RNGTT: variants seen among roughly 807,000 people sequenced by gnomAD.
RNGTT encodes RNA guanylyltransferase and 5'-phosphatase.
Under a neutral mutation model 79.3 loss-of-function variants are expected in RNGTT, and 33 were observed. The ratio of observed to expected loss-of-function variants is 0.42; its 90% CI spans 0.32 to 0.56. RNGTT has a LOEUF of 0.56. RNGTT is among the 20% of genes least tolerant of loss of function. The pLI is 0.17. For synonymous variants in RNGTT, 222 were observed against 235.9 expected (o/e 0.94, Z 0.54); for missense variants, 497 against 739.1 (o/e 0.67, Z 3.80).
chr6:88,795,934 T>G (rs1779588334), intron 12 of RNGTT, among the ~76,000 whole-genome samples: 1 of 152,132 alleles, frequency 6.6e-6, no homozygotes. Context: ...AGAATTACAA[T>G]TCAACTGAAG....
At chr6:88,767,133 A>G (rs907354991) in intron 13 of RNGTT, among the ~76,000 whole-genome samples, 2 of 152,106 alleles carry the variant, frequency 1.3e-5, no homozygotes, top group Non-Finnish European at 2.9e-5. Flanking sequence ...TAAATATTCT[A>G]TTTTTGAAAA....
chr6:88,616,809 T>C (rs1772242801), intron 14 of RNGTT, among the ~76,000 whole-genome samples: 1 of 152,226 alleles, frequency 6.6e-6, no homozygotes, highest in Non-Finnish European at 1.5e-5. Context: ...AGATGTACAA[T>C]TTGCAATTAT....
In RNGTT at chr6:88,752,207, T is replaced by C. The variant is rs1225897009; in HGVS notation, c.1439+17567A>G. Among the ~76,000 whole-genome samples the C allele has an allele frequency of 2.0e-5, 3 of 151,698 alleles. No homozygotes were observed. In the East Asian group the frequency reaches 5.8e-4, roughly 29 times the overall value. On this transcript the variant is annotated intron_variant, in intron 13 of 15. Coordinates refer to ENST00000369485, the MANE Select transcript of RNGTT (RefSeq NM_003800.5). ...ATCATAATTAACTCTTTAAACCAAA[T>C]TAAATGACTTGGTTCAAAACAGACT...
chr6:88,746,291 G>A (rs1157402806), intron 13 of RNGTT, among the ~76,000 whole-genome samples: 2 of 152,104 alleles, frequency 1.3e-5, no homozygotes, highest in African/African-American at 4.8e-5. Flanking sequence ...CTCTTACCCA[G>A]TTTTCAGATA....
At chr6:88,659,358 C>T (rs1045301563) in intron 14 of RNGTT, among the ~76,000 whole-genome samples, 10 of 151,942 alleles carry the variant, frequency 6.6e-5, no homozygotes, top group Non-Finnish European at 1.5e-4. Context: ...AAGGAGGTAC[C>T]AGAGAAAGGT....
intron 13 of RNGTT, among the ~76,000 whole-genome samples, chr6:88,720,221 C>T (rs1358433635): frequency 6.6e-6 from 1 of 152,082 alleles, no homozygotes; most frequent in African/African-American, 2.4e-5. Flanking sequence ...CTATTAAAGA[C>T]TTTGGGCATT....
intron 11 of RNGTT, among the ~76,000 whole-genome samples, chr6:88,809,410 G>A (rs62428968): frequency 0.09 from 13,725 of 152,108 alleles, 868 homozygotes; most frequent in Middle Eastern, 0.2. Flanking sequence ...TGAGGATATG[G>A]AAGCGTAGAT....
intron 11 of RNGTT, among the ~76,000 whole-genome samples, chr6:88,802,578 TA>T (rs1779826494): frequency 6.6e-6 from 1 of 152,192 alleles, no homozygotes; most frequent in African/African-American, 2.4e-5. Context: ...CACTTGCTAA[TA>T]AAGACATACC....
intron 13 of RNGTT, among the ~76,000 whole-genome samples, chr6:88,699,113 T>A (rs1012042548): frequency 6.6e-6 from 1 of 152,166 alleles, no homozygotes; most frequent in Admixed American, 6.6e-5. Flanking sequence ...AATAATAATA[T>A]TTTTCCATTC....
At chr6:88,730,341 A>G (rs967505482) in intron 13 of RNGTT, among the ~76,000 whole-genome samples, 3 of 152,072 alleles carry the variant, frequency 2.0e-5, no homozygotes, top group African/African-American at 4.8e-5. Flanking sequence ...AAATTAGCCA[A>G]TTGGAATTAG....
chr6:88,794,095 T>C (rs1220730977), intron 12 of RNGTT, among the ~76,000 whole-genome samples: 1 of 152,214 alleles, frequency 6.6e-6, no homozygotes, highest in Admixed American at 6.5e-5. Context: ...TCTTACAGCC[T>C]CTACATTTTA....
intron 14 of RNGTT, among the ~76,000 whole-genome samples, chr6:88,670,831 C>T (rs1774610567): frequency 6.6e-6 from 1 of 152,260 alleles, no homozygotes; most frequent in East Asian, 1.9e-4. Context: ...GGACAGGAAT[C>T]TTTACTTTGG....
At chr6:88,840,057 G>A (rs1189833936) in intron 11 of RNGTT, among the ~76,000 whole-genome samples, 3 of 152,032 alleles carry the variant, frequency 2.0e-5, no homozygotes, top group African/African-American at 4.8e-5. Flanking sequence ...ATGTTTTATA[G>A]CTGTAAATTT....
At position 88,946,246 on chromosome 6, in the gene RNGTT, T is replaced by C. The variant is rs115209622; in HGVS notation, c.65-5066A>G. Among the ~76,000 whole-genome samples, 816 of 152,294 alleles carry C rather than the reference T, an allele frequency of 5.4e-3. 9 individuals carry two copies. Among genetic ancestry groups the C allele is most frequent in the African/African-American group, 0.019 (794 of 41,552 alleles). ...TTATTATATTTGTTACAGTGATCTA[T>C]GATCAGTGATCTTTGATGTTACAAC... is the stretch of plus-strand genomic sequence containing the variant. On this transcript the variant is annotated intron_variant, in intron 1 of 15. Coordinates refer to ENST00000369485, the MANE Select transcript of RNGTT (RefSeq NM_003800.5).
At chr6:88,634,026 T>C (rs1773005071) in intron 14 of RNGTT, among the ~76,000 whole-genome samples, 1 of 152,158 alleles carries the variant, frequency 6.6e-6, no homozygotes, top group Non-Finnish European at 1.5e-5. Flanking sequence ...ATATGAAAGA[T>C]AATGACTCAT....
At chr6:88,621,047 T>C (rs1772424956) in intron 14 of RNGTT, among the ~76,000 whole-genome samples, 1 of 152,218 alleles carries the variant, frequency 6.6e-6, no homozygotes, top group Non-Finnish European at 1.5e-5. Context: ...ATCTGCTTAA[T>C]AAATGGAATT....
At chr6:88,881,151 C>T (rs1056310181) in intron 8 of RNGTT, among the ~76,000 whole-genome samples, 21 of 152,096 alleles carry the variant, frequency 1.4e-4, no homozygotes, top group African/African-American at 4.6e-4. Context: ...AGAAATTCAA[C>T]GAGTTCCTTT....
Position 88,891,867 on chromosome 6 carries a change from T to A in RNGTT, c.733A>T (p.Thr245Ser). The A allele has an allele frequency of 1.9e-6, 3 of 1,604,724 alleles. No individual in the cohort carries two copies. Among genetic ancestry groups the A allele is most frequent in the Non-Finnish European group, 2.6e-6 (3 of 1,175,508 alleles). The change falls in exon 7 of 16, where the codon ACA becomes TCA. Residue 245 changes from threonine to serine, a missense_variant. Physicochemically the swap from Thr to Ser is moderately conservative, Grantham distance 58. Coordinates refer to ENST00000369485, the MANE Select transcript of RNGTT (RefSeq NM_003800.5). Reference protein sequence around the residue: ...GVTVKGVTQVTTQPKLGEVQQ... With the variant: ...GVTVKGVTQVSTQPKLGEVQQ... ...ACCTCTCCTAACTTTGGTTGTGTTG[T>A]TACTTGAGTTACACCTTTAACAGTA... is the stretch of plus-strand genomic sequence containing the variant.
intron 13 of RNGTT, among the ~76,000 whole-genome samples, chr6:88,739,702 C>T (rs1777401641): frequency 9.8e-6 from 1 of 102,562 alleles, no homozygotes. Flanking sequence ...TATATTTCTC[C>T]CGTGTAACTG....
Sources: gnomAD v4.1 joint callset for allele counts (sites outside exome capture counted in the v4.1 genomes callset) on GRCh38, gnomAD v4.1.1 for gene constraint, MANE v1.5 for transcripts, NCBI Gene and HGNC (gene_info 2026-07-23, HGNC 2026-07-21) for gene names.